IMMP2L: variants seen among roughly 807,000 people sequenced by gnomAD.
The protein encoded by IMMP2L is inner mitochondrial membrane peptidase subunit 2, also known as mitochondrial inner membrane protease subunit 2.
In IMMP2L, 18 loss-of-function variants were observed where a neutral mutation model predicts 19.3. That is an observed-to-expected ratio of 0.93 (90% CI 0.64 to 1.38). The LOEUF (loss-of-function observed/expected upper bound fraction) is 1.38. Among genes scored for constraint, IMMP2L ranks in the 40% most tolerant of loss-of-function variants. The probability of loss-of-function intolerance (pLI) is 0.00; values close to 1 mark genes in which losing one functional copy is unlikely to be tolerated. For missense variants in IMMP2L, 233 were observed against 218.2 expected (o/e 1.07, Z -0.43); for synonymous variants, 76 against 73.0 (o/e 1.04, Z -0.21).
intron 5 of IMMP2L, among the ~76,000 whole-genome samples, chr7:110,829,605 A>G (rs1159216620): frequency 2.0e-5 from 3 of 152,122 alleles, no homozygotes; most frequent in Non-Finnish European, 4.4e-5. Context: ...CAAAAAAACA[A>G]AAAAAGAGAG....
chr7:110,813,432 CT>C (rs113097047), intron 5 of IMMP2L, among the ~76,000 whole-genome samples: 19,478 of 144,522 alleles, frequency 0.13, 1,660 homozygotes, highest in African/African-American at 0.27. Flanking sequence ...ACATTTCTTT[CT>C]TTTTTTTTTT....
intron 5 of IMMP2L, among the ~76,000 whole-genome samples, chr7:110,787,648 T>TGCTAA (rs1235506862): frequency 6.6e-6 from 1 of 151,970 alleles, no homozygotes; most frequent in Non-Finnish European, 1.5e-5. Flanking sequence ...TTTTGAGGGA[T>TGCTAA]GCTAAGCCAA....
chr7:110,734,210 T>A (rs1399265052), intron 5 of IMMP2L, among the ~76,000 whole-genome samples: 1 of 152,220 alleles, frequency 6.6e-6, no homozygotes, highest in African/African-American at 2.4e-5. Flanking sequence ...AGAGTGTTGA[T>A]CTTCTTAGAG....
chr7:110,812,332 C>G (rs1193639671), intron 5 of IMMP2L, among the ~76,000 whole-genome samples: 1 of 152,052 alleles, frequency 6.6e-6, no homozygotes, highest in East Asian at 1.9e-4. Context: ...GAAGCAACAG[C>G]TCATTTCTGA....
intron 1 of IMMP2L, among the ~76,000 whole-genome samples, chr7:111,535,059 A>C (rs1847759373): frequency 6.6e-6 from 1 of 152,140 alleles, no homozygotes; most frequent in South Asian, 2.1e-4. Context: ...GCTCGTTTTT[A>C]TGACAACTTC....
intron 3 of IMMP2L, among the ~76,000 whole-genome samples, chr7:111,279,442 G>T (rs1322842408): frequency 6.6e-6 from 1 of 152,070 alleles, no homozygotes; most frequent in Non-Finnish European, 1.5e-5. Flanking sequence ...TTGAAGAGAA[G>T]GAGAAACAAA....
intron 5 of IMMP2L, among the ~76,000 whole-genome samples, chr7:110,866,855 T>C (rs1166171454): frequency 1.3e-5 from 2 of 152,078 alleles, no homozygotes; most frequent in Non-Finnish European, 2.9e-5. Flanking sequence ...AGTACTGCCA[T>C]GGCTGTATTT....
intron 3 of IMMP2L, among the ~76,000 whole-genome samples, chr7:111,378,664 G>A (rs1830913171): frequency 6.6e-6 from 1 of 151,880 alleles, no homozygotes. Context: ...CAGTTGAACT[G>A]AAGAGTGTTT....
intron 3 of IMMP2L, among the ~76,000 whole-genome samples, chr7:111,072,763 T>C (rs1795061627): frequency 6.6e-6 from 1 of 151,798 alleles, no homozygotes; most frequent in Admixed American, 6.6e-5. Flanking sequence ...GGCGAGGTGG[T>C]AGGCATCTGT....
chr7:111,205,530 T>G (rs904023442), intron 3 of IMMP2L, among the ~76,000 whole-genome samples: 11 of 152,176 alleles, frequency 7.2e-5, no homozygotes, highest in African/African-American at 2.4e-4. Flanking sequence ...TAAAGGTCTC[T>G]TGCTAACCAA....
intron 3 of IMMP2L, among the ~76,000 whole-genome samples, chr7:110,981,001 A>C (rs1169647808): frequency 1.3e-5 from 2 of 152,318 alleles, no homozygotes; most frequent in East Asian, 3.9e-4. Context: ...TTTTTAAGCA[A>C]TAAAATCTTC....
chr7:111,405,307 G>C (rs1176831847), intron 3 of IMMP2L, among the ~76,000 whole-genome samples: 1 of 151,764 alleles, frequency 6.6e-6, no homozygotes, highest in Admixed American at 6.6e-5. Flanking sequence ...CAGGCACCAC[G>C]AACACAGAGA....
chr7:111,427,074 T>G lies in IMMP2L; in HGVS notation c.239+60164A>C, dbSNP rs185243151. ...CATTTGCTCCCTTTCAGATCCAAAC[T>G]CCTTACTTCACTGATCACCCAAGAC... On this transcript the variant is annotated intron_variant, in intron 3 of 5. Coordinates refer to ENST00000405709, the MANE Select transcript of IMMP2L (RefSeq NM_032549.4). Among the ~76,000 whole-genome samples the G allele has an allele frequency of 4.6e-4, 69 of 151,054 alleles. 1 individual carries two copies. Among genetic ancestry groups the G allele is most frequent in the African/African-American group, 1.6e-3 (67 of 41,110 alleles).
chr7:111,333,753 C>T (rs917122302), intron 3 of IMMP2L, among the ~76,000 whole-genome samples: 1 of 152,098 alleles, frequency 6.6e-6, no homozygotes, highest in African/African-American at 2.4e-5. Flanking sequence ...CAGCCTACAT[C>T]TTTCTCCCGT....
chr7:110,696,425 C>CTTT (rs374621101), intron 5 of IMMP2L, among the ~76,000 whole-genome samples: 46,027 of 119,580 alleles, frequency 0.38, 10,265 homozygotes, highest in East Asian at 0.66. Flanking sequence ...TCCTTTTTCT[C>CTTT]TTTTTTTTTT....
At position 110,757,881 on chromosome 7, in the gene IMMP2L, G is replaced by C. The variant is rs1490626724; in HGVS notation, c.409-94160C>G. Among the ~76,000 whole-genome samples, 1 of 152,118 alleles carries C rather than the reference G, an allele frequency of 6.6e-6. No homozygotes were observed. The highest frequency in any genetic ancestry group is 2.4e-5 in the African/African-American group (1 of 41,444). ...GGGGAAGCCATGCAGCTGTTTGGAG[G>C]AAGAGAATTTCAGGCACTGGAAATA... On this transcript the variant is annotated intron_variant, in intron 5 of 5. Coordinates refer to ENST00000405709, the MANE Select transcript of IMMP2L (RefSeq NM_032549.4). The surrounding 1 kb of genome is among the most constrained non-coding windows in gnomAD (Gnocchi z 4.2).
At chr7:111,227,661 A>G (rs191258865) in intron 3 of IMMP2L, among the ~76,000 whole-genome samples, 1 of 152,288 alleles carries the variant, frequency 6.6e-6, no homozygotes, top group East Asian at 1.9e-4. Flanking sequence ...TACTCTGCAT[A>G]AGCCAGAAAT....
intron 3 of IMMP2L, among the ~76,000 whole-genome samples, chr7:111,086,318 T>C (rs996301362): frequency 1.3e-5 from 2 of 151,538 alleles, no homozygotes; most frequent in African/African-American, 4.8e-5. Context: ...CTTGTGCCTG[T>C]GGTCCTAGCT....
chr7:111,122,509 A>C (rs1164240839), intron 3 of IMMP2L: 1 of 429,198 alleles, frequency 2.3e-6, no homozygotes, highest in African/African-American at 2.0e-5. Context: ...ATGACCATCT[A>C]TACATACTCC....
Sources: gnomAD v4.1 joint callset for allele counts (sites outside exome capture counted in the v4.1 genomes callset) on GRCh38, gnomAD v4.1.1 for gene constraint, Gnocchi (gnomAD v3.1) non-coding constraint, MANE v1.5 for transcripts, NCBI Gene and HGNC (gene_info 2026-07-23, HGNC 2026-07-21) for gene names.